NAALADL2: variants seen among roughly 807,000 people sequenced by gnomAD.
NAALADL2 encodes N-acetylated alpha-linked acidic dipeptidase like 2.
NAALADL2 carries 76 observed loss-of-function variants against 87.2 expected under a neutral mutation model. The observed-to-expected ratio is 0.87, with a 90% CI of 0.72 to 1.05. The LOEUF is 1.05. Among genes scored for constraint, NAALADL2 ranks in the 50% least tolerant of loss-of-function variants. NAALADL2 has a pLI of 0.00. For synonymous variants in NAALADL2, 354 were observed against 331.0 expected, an observed-to-expected ratio of 1.07 and a Z score of -0.75; for missense variants, 1,089 against 945.8, an observed-to-expected ratio of 1.15 and a Z score of -1.99.
chr3:175,163,061 T>C (rs1002316713), intron 2 of NAALADL2, among the ~76,000 whole-genome samples: 3 of 152,136 alleles, frequency 2.0e-5, no homozygotes, highest in Non-Finnish European at 4.4e-5. Context: ...ATCATCATGA[T>C]ATATATTGTT....
Position 174,472,943 on chromosome 3 carries a change from AC to A in NAALADL2, c.-184+31913del, listed in dbSNP as rs1404376226. Among the ~76,000 whole-genome samples, 14 of 152,218 alleles carry A rather than the reference AC, an allele frequency of 9.2e-5. No individual in the cohort carries two copies. The East Asian group carries it at 2.7e-3, about 29-fold the overall frequency. On this transcript the variant is annotated intron_variant, in intron 1 of 3. Coordinates refer to the NAALADL2 transcript ENST00000434257. ...AATGAGTAGGAGATACGAAAATATCACCTAGGTTATATTATCCTATAATTTT... is the reference window on the plus strand; with the variant it reads ...AATGAGTAGGAGATACGAAAATATCACTAGGTTATATTATCCTATAATTTT...
intron 1 of NAALADL2, among the ~76,000 whole-genome samples, chr3:174,868,322 T>C (rs1727397600): frequency 6.6e-6 from 1 of 152,162 alleles, no homozygotes; most frequent in Non-Finnish European, 1.5e-5. Context: ...TTCTCAGTTC[T>C]TTGGGAAATT....
chr3:174,555,505 G>A (rs926805398), intron 2 of NAALADL2, among the ~76,000 whole-genome samples: 4 of 152,086 alleles, frequency 2.6e-5, no homozygotes, highest in Admixed American at 1.3e-4. Flanking sequence ...TCGCCATGTT[G>A]GCCAGGCTGA....
At chr3:175,114,684 A>C (rs1318624501) in intron 2 of NAALADL2, among the ~76,000 whole-genome samples, 2 of 151,610 alleles carry the variant, frequency 1.3e-5, no homozygotes, top group African/African-American at 4.8e-5. Context: ...CTAGAACCTA[A>C]ACCTTTTAGC....
intron 5 of NAALADL2, among the ~76,000 whole-genome samples, chr3:175,380,784 A>G (rs572448255): frequency 2.7e-4 from 41 of 152,152 alleles, no homozygotes; most frequent in Non-Finnish European, 5.3e-4. Flanking sequence ...ATTTAACTAC[A>G]TGTCTTTGCC....
At chr3:175,534,178 C>T (rs898616302) in intron 9 of NAALADL2, among the ~76,000 whole-genome samples, 2 of 151,390 alleles carry the variant, frequency 1.3e-5, no homozygotes, top group Non-Finnish European at 2.9e-5. Flanking sequence ...AACAAAATAA[C>T]TCCATCCTTA....
chr3:174,661,685 A>G (rs1353050552), intron 2 of NAALADL2, among the ~76,000 whole-genome samples: 1 of 152,126 alleles, frequency 6.6e-6, no homozygotes, highest in East Asian at 1.9e-4. Context: ...AATATTGAAC[A>G]TTGTATCCAT....
chr3:175,291,524 G>A (rs906008896), intron 4 of NAALADL2, among the ~76,000 whole-genome samples: 1 of 151,874 alleles, frequency 6.6e-6, no homozygotes, highest in African/African-American at 2.4e-5. Flanking sequence ...GCCATACCTG[G>A]GGTTATATAT....
chr3:174,841,264 G>A (rs1168843415), intron 3 of NAALADL2, among the ~76,000 whole-genome samples: 4 of 152,062 alleles, frequency 2.6e-5, no homozygotes, highest in Admixed American at 1.3e-4. Context: ...AATAGTTACT[G>A]TGCTTATTCT....
intron 10 of NAALADL2, among the ~76,000 whole-genome samples, chr3:175,585,433 C>G (rs542315585): frequency 6.6e-6 from 1 of 152,284 alleles, no homozygotes; most frequent in Non-Finnish European, 1.5e-5. Context: ...GTTTTCTATA[C>G]AAAGGTCCTA....
intron 5 of NAALADL2, among the ~76,000 whole-genome samples, chr3:175,416,180 C>A (rs561174499): frequency 6.6e-6 from 1 of 151,982 alleles, no homozygotes; most frequent in Non-Finnish European, 1.5e-5. Flanking sequence ...AGAAACACAT[C>A]AGTATATGAA....
intron 1 of NAALADL2, among the ~76,000 whole-genome samples, chr3:175,061,205 C>A (rs75034191): frequency 0.15 from 22,507 of 152,074 alleles, 1,852 homozygotes; most frequent in Admixed American, 0.22. Flanking sequence ...AAATGCCAGA[C>A]AATATTACCA....
At chr3:175,423,761 A>G (rs1463798551) in intron 5 of NAALADL2, among the ~76,000 whole-genome samples, 1 of 152,308 alleles carries the variant, frequency 6.6e-6, no homozygotes, top group East Asian at 1.9e-4. Flanking sequence ...CATGATTTAT[A>G]ATCCTTTGGG....
intron 2 of NAALADL2, among the ~76,000 whole-genome samples, chr3:174,673,230 G>A (rs1411032401): frequency 1.3e-5 from 2 of 151,924 alleles, no homozygotes; most frequent in South Asian, 2.1e-4. Context: ...GCAAGGTCTT[G>A]GGGCTAACAG....
intron 1 of NAALADL2, among the ~76,000 whole-genome samples, chr3:174,958,357 G>A (rs376385580): frequency 5.3e-5 from 8 of 151,792 alleles, no homozygotes; most frequent in African/African-American, 1.9e-4. Context: ...TGAAAGAGTG[G>A]CTTTGTCTCC....
intron 2 of NAALADL2, among the ~76,000 whole-genome samples, chr3:174,718,664 A>G (rs1392132483): frequency 2.6e-5 from 4 of 152,198 alleles, no homozygotes; most frequent in South Asian, 2.1e-4. Flanking sequence ...CAACTTACCT[A>G]AGTTTCCCAG....
chr3:175,795,029 C>T (rs967490823), intron 13 of NAALADL2, among the ~76,000 whole-genome samples: 1 of 152,132 alleles, frequency 6.6e-6, no homozygotes, highest in Non-Finnish European at 1.5e-5. Context: ...ACCTCTTCCT[C>T]TTCATATAAA....
In NAALADL2 at chr3:174,745,301, A is replaced by G. The variant is rs546305492; in HGVS notation, c.-9+7555A>G. On this transcript the variant is annotated intron_variant, in intron 3 of 3. Transcript: ENST00000434257. ...ACAGAAATACAAACAACCATCACAGAATACTATAAACACCTCTACACAAGT... is the reference window on the plus strand; with the variant it reads ...ACAGAAATACAAACAACCATCACAGGATACTATAAACACCTCTACACAAGT... Among the ~76,000 whole-genome samples, 13 of 152,302 alleles carry G rather than the reference A, an allele frequency of 8.5e-5. No individual in the cohort carries two copies. In the East Asian group the frequency reaches 2.1e-3, roughly 25 times the overall value.
chr3:175,522,471 T>A (rs1732787765), intron 9 of NAALADL2, among the ~76,000 whole-genome samples: 1 of 152,202 alleles, frequency 6.6e-6, no homozygotes, highest in Admixed American at 6.5e-5. Context: ...TGAAATGGCA[T>A]GCTCTGGGTT....
Sources: gnomAD v4.1 joint callset for allele counts (sites outside exome capture counted in the v4.1 genomes callset) on GRCh38, gnomAD v4.1.1 for gene constraint, MANE v1.5 for transcripts, NCBI Gene and HGNC (gene_info 2026-07-23, HGNC 2026-07-21) for gene names.